The following SH3PXD2B variants were observed in gnomAD, a reference collection of about 807,000 sequenced individuals.
SH3PXD2B encodes SH3 and PX domains 2B.
Under a neutral mutation model 73.1 loss-of-function variants are expected in SH3PXD2B, and 37 were observed. That is an observed-to-expected ratio of 0.51 (90% CI 0.39 to 0.67). SH3PXD2B has a LOEUF of 0.67. Ranked by LOEUF, SH3PXD2B falls within the 30% of genes least tolerant of loss-of-function variation. The pLI is 0.00. For synonymous variants in SH3PXD2B, 457 were observed against 480.5 expected (o/e 0.95, Z 0.64); for missense variants, 1,053 against 1,197.8 (o/e 0.88, Z 1.78).
chr5:172,451,391 A>C lies in SH3PXD2B; in HGVS notation c.75+2887T>G, dbSNP rs1482322937. 2.0e-5 allele frequency among the ~76,000 whole-genome samples: 3 copies of C among 152,260 alleles called. No homozygotes were observed. In the East Asian group the frequency reaches 5.8e-4, roughly 29 times the overall value. Reference sequence around the variant, plus strand: ...GAATGTGTGTGGTGCTGCCCCCTAGAGGACATGCAGCAATCAATGCCTGGA... The same window carrying C: ...GAATGTGTGTGGTGCTGCCCCCTAGCGGACATGCAGCAATCAATGCCTGGA... On this transcript the variant is annotated intron_variant, in intron 1 of 12. Coordinates refer to ENST00000311601, the MANE Select transcript of SH3PXD2B (RefSeq NM_001017995.3).
At position 172,375,431 on chromosome 5, in the gene SH3PXD2B, C is replaced by T. The variant is rs529009856; in HGVS notation, c.402-1616G>A. ...ACAATTTACTGGTTTTTAGTATATT[C>T]ACAAGGTTGTCCAACCATCACCAGA... On this transcript the variant is annotated intron_variant, in intron 5 of 12. Coordinates refer to ENST00000311601, the MANE Select transcript of SH3PXD2B (RefSeq NM_001017995.3). Among the ~76,000 whole-genome samples the T allele has an allele frequency of 1.1e-4, 16 of 152,298 alleles. No individual in the cohort carries two copies. The South Asian group carries it at 3.3e-3, about 32-fold the overall frequency.
rs527408109 is a variant in SH3PXD2B, at chr5:172,333,633, T to C, written c.*4736A>G. On this transcript the variant is annotated 3_prime_UTR_variant, in exon 13 of 13. Transcript: ENST00000311601. ...CTCACCCCTCCCCTCACATCCTATA[T>C]ACTCATTTATTTAATGTGTTAAAGG... 2.3e-3 allele frequency: 2,976 copies of C among 1,288,938 alleles called. 4 individuals carry two copies. Among genetic ancestry groups the C allele is most frequent in the Non-Finnish European group, 2.7e-3 (2,627 of 988,760 alleles). 79.8% of individuals were successfully genotyped at this position (1,288,938 alleles called of 1,614,324 possible). A position where few individuals can be genotyped will look rare whatever the true frequency, so the allele number is the denominator to read the frequency against.
chr5:172,454,161 G>T, intron 1 of SH3PXD2B, 117 bp downstream of exon 1: 2 of 720,642 alleles, frequency 2.8e-6, no homozygotes, highest in African/African-American at 1.9e-5. Flanking sequence ...GCCGAGGGGA[G>T]AGCAGGGGAG....
chr5:172,339,475 GCCGCTC>G lies in SH3PXD2B; in HGVS notation c.1624_1629del (p.Glu542_Arg543del), dbSNP rs534091900. 1,527 of 1,613,808 alleles carry G rather than the reference GCCGCTC, an allele frequency of 9.5e-4. 8 individuals are homozygous for G. The African/African-American group carries it at 0.017, about 18-fold the overall frequency. ...GGGCCCCGGAGCTGCTCCGTCCTCTGCCGCTCCCGCTCCCGCTCCAGCAGCTCCCCC... is the reference window on the plus strand; with the variant it reads ...GGGCCCCGGAGCTGCTCCGTCCTCTGCCGCTCCCGCTCCAGCAGCTCCCCC... On this transcript the variant is annotated inframe_deletion, in exon 13 of 13. Transcript: ENST00000311601. The surrounding 1 kb of genome is among the most constrained non-coding windows in gnomAD (Gnocchi z 6.1).
chr5:172,337,930 G>T lies in SH3PXD2B; in HGVS notation c.*439C>A. The T allele has an allele frequency of 1.9e-6, 2 of 1,041,096 alleles. No individual in the cohort carries two copies. Among genetic ancestry groups the T allele is most frequent in the Non-Finnish European group, 2.3e-6 (2 of 863,984 alleles). 64.5% of individuals were successfully genotyped at this position (1,041,096 alleles called of 1,614,324 possible). Reference sequence around the variant, plus strand: ...AAAGCCACTGGGCTTTTAGAAACATGAAGAAGTTGGAGCAAAAGTCATCAT... The same window carrying T: ...AAAGCCACTGGGCTTTTAGAAACATTAAGAAGTTGGAGCAAAAGTCATCAT... On this transcript the variant is annotated 3_prime_UTR_variant, in exon 13 of 13. Transcript: ENST00000311601.
chr5:172,358,694 T>A (rs761022360), intron 8 of SH3PXD2B, 79 bp downstream of exon 8: 3 of 1,298,466 alleles, frequency 2.3e-6, no homozygotes, highest in Admixed American at 2.0e-5. Flanking sequence ...AAAGAAGAGA[T>A]TGGATGAAAA....
At chr5:172,364,907 C>A (rs1207457088) in intron 6 of SH3PXD2B, among the ~76,000 whole-genome samples, 1 of 152,206 alleles carries the variant, frequency 6.6e-6, no homozygotes, top group African/African-American at 2.4e-5. Context: ...CACGAGCACA[C>A]CACTGCACTC....
Position 172,337,295 on chromosome 5 carries a change from T to C in SH3PXD2B, c.*1074A>G, listed in dbSNP as rs1203835900. On this transcript the variant is annotated 3_prime_UTR_variant, in exon 13 of 13. Transcript: ENST00000311601. ...CACCACTTAGCCAGCTTCTATCTCT[T>C]CCCTGCCTGGTTTGTCTTTTACAGA... The C allele has an allele frequency of 1.0e-6, 1 of 985,634 alleles. No homozygotes were observed. The highest frequency in any genetic ancestry group is 1.2e-6 in the Non-Finnish European group (1 of 830,066). The allele number at this position is 985,634 out of a possible 1,614,324, so 61.1% of individuals were successfully genotyped here. A position where few individuals can be genotyped will look rare whatever the true frequency, so the allele number is the denominator to read the frequency against.
intron 5 of SH3PXD2B, among the ~76,000 whole-genome samples, chr5:172,377,580 G>C (rs1243332166): frequency 1.3e-5 from 2 of 152,152 alleles, no homozygotes; most frequent in African/African-American, 4.8e-5. Flanking sequence ...CAAGCTGTGA[G>C]CCAGGGTAGT....
intron 1 of SH3PXD2B, among the ~76,000 whole-genome samples, chr5:172,436,785 C>T (rs573519058): frequency 8.8e-4 from 134 of 152,358 alleles, no homozygotes; most frequent in African/African-American, 2.8e-3. Flanking sequence ...ATTGCTAAAG[C>T]CGTCCTGCTC....
intron 1 of SH3PXD2B, among the ~76,000 whole-genome samples, chr5:172,438,434 G>C (rs1245362826): frequency 6.6e-6 from 1 of 152,162 alleles, no homozygotes; most frequent in African/African-American, 2.4e-5. Context: ...GCGACAATGA[G>C]CTCTCAGGAA....
chr5:172,439,731 C>CACACACACACACACACA (rs755745674), intron 1 of SH3PXD2B, among the ~76,000 whole-genome samples: 2 of 148,814 alleles, frequency 1.3e-5, no homozygotes, highest in African/African-American at 5.0e-5. Flanking sequence ...CACACACACA[C>CACACACACACACACACA]AGCTGCCCAC....
intron 1 of SH3PXD2B, among the ~76,000 whole-genome samples, chr5:172,446,095 A>AC (rs998295393): frequency 7.1e-6 from 1 of 140,986 alleles, no homozygotes; most frequent in African/African-American, 2.7e-5. Context: ...GGGCCAGCTG[A>AC]CCCCCCCGAC....
Position 172,354,942 on chromosome 5 carries a change from C to T in SH3PXD2B, c.668-937G>A, listed in dbSNP as rs1441758935. Among the ~76,000 whole-genome samples the T allele has an allele frequency of 3.3e-5, 5 of 152,162 alleles. No individual in the cohort carries two copies. In the East Asian group the frequency reaches 5.8e-4, roughly 18 times the overall value. On this transcript the variant is annotated intron_variant, in intron 8 of 12. Coordinates refer to ENST00000311601, the MANE Select transcript of SH3PXD2B (RefSeq NM_001017995.3). ...CCTGGAGGGCCTGGGCTCGGCAGGG[C>T]GGGTTGCTCATCGCTGCACTCTGGC...
chr5:172,394,574 C>T lies in SH3PXD2B; in HGVS notation c.298G>A (p.Glu100Lys), dbSNP rs1191517215. Residue 100 changes from glutamate to lysine, a missense_variant, in exon 4 of 13, where the codon GAA becomes AAA. By Grantham distance (56) the Glu-to-Lys change is moderately conservative. Transcript: ENST00000311601. ...TTTCTCAGCCTTACCTTACAGTATT[C>T]ATCAATTGGTATCAGGCGTTTGACA... is the stretch of plus-strand genomic sequence containing the variant. ...VAVKRLIPIDEYCKALIQLPP... is the reference protein window; with the variant it reads ...VAVKRLIPIDKYCKALIQLPP... 1.2e-6 allele frequency: 2 copies of T among 1,614,006 alleles called. No individual in the cohort carries two copies. Among genetic ancestry groups the T allele is most frequent in the Non-Finnish European group, 1.7e-6 (2 of 1,180,012 alleles).
At position 172,421,899 on chromosome 5, in the gene SH3PXD2B, G is replaced by T. The variant is rs866536987; in HGVS notation, c.156+517C>A. Among the ~76,000 whole-genome samples, 1 of 152,214 alleles carries T rather than the reference G, an allele frequency of 6.6e-6. No homozygotes were observed. The highest frequency in any genetic ancestry group is 1.5e-5 in the Non-Finnish European group (1 of 68,046). On this transcript the variant is annotated intron_variant, in intron 2 of 12. Coordinates refer to ENST00000311601, the MANE Select transcript of SH3PXD2B (RefSeq NM_001017995.3). The surrounding 1 kb of genome is among the most constrained non-coding windows in gnomAD (Gnocchi z 4.0). ...GATTTCCAGATTACCCTCCATTCTGGAGCAGTTAACAGGCACCCTTTCTCT... is the reference window on the plus strand; with the variant it reads ...GATTTCCAGATTACCCTCCATTCTGTAGCAGTTAACAGGCACCCTTTCTCT...
intron 4 of SH3PXD2B, among the ~76,000 whole-genome samples, chr5:172,393,270 C>G (rs1363940415): frequency 6.6e-6 from 1 of 152,146 alleles, no homozygotes; most frequent in Non-Finnish European, 1.5e-5. Context: ...CCCTGCACTT[C>G]TTTTGTTAAA....
chr5:172,348,658 T>TCTATCTATCTATCTATCTATC (rs1757063928), intron 10 of SH3PXD2B, among the ~76,000 whole-genome samples: 3 of 41,114 alleles, frequency 7.3e-5, no homozygotes, highest in African/African-American at 1.9e-4. Flanking sequence ...ATCTATCCTA[T>TCTATCTATCTATCTATCTATC]CTATCTATCT....
At position 172,338,026 on chromosome 5, in the gene SH3PXD2B, C is replaced by A. The variant is rs1426372191; in HGVS notation, c.*343G>T. 5 of 1,228,318 alleles carry A rather than the reference C, an allele frequency of 4.1e-6. No homozygotes were observed. The highest frequency in any genetic ancestry group is 5.1e-6 in the Non-Finnish European group (5 of 974,806). 76.1% of individuals were successfully genotyped at this position (1,228,318 alleles called of 1,614,324 possible). On this transcript the variant is annotated 3_prime_UTR_variant, in exon 13 of 13. Coordinates refer to ENST00000311601, the MANE Select transcript of SH3PXD2B (RefSeq NM_001017995.3). This position sits in a 1 kb window ranked among gnomAD's most constrained non-coding sequence, Gnocchi z 5.1. ...AGACCCTTGCTGGAGTTTCTCCAGG[C>A]AATGGGATCCAGTCCTGGAGGTCTT...
Sources: gnomAD v4.1 joint callset for allele counts (sites outside exome capture counted in the v4.1 genomes callset) on GRCh38, gnomAD v4.1.1 for gene constraint, Gnocchi (gnomAD v3.1) non-coding constraint, MANE v1.5 for transcripts, NCBI Gene and HGNC (gene_info 2026-07-23, HGNC 2026-07-21) for gene names.